PACS1: variants seen among roughly 807,000 people sequenced by gnomAD.
PACS1 encodes PACS-1.
A neutral mutation model predicts 115.0 loss-of-function variants in PACS1; 24 were observed. The observed-to-expected ratio is 0.21, with a 90% CI of 0.15 to 0.29. The LOEUF (loss-of-function observed/expected upper bound fraction) is 0.29. Ranked by LOEUF, PACS1 falls within the 10% of genes least tolerant of loss-of-function variation. PACS1 has a pLI of 1.00. For synonymous variants in PACS1, 453 were observed against 504.5 expected (o/e 0.90, Z 1.37); for missense variants, 838 against 1,251.2 (o/e 0.67, Z 4.98).
chr11:66,235,400 A>T lies in PACS1; in HGVS notation c.2204A>T (p.Lys735Met). The T allele has an allele frequency of 6.2e-7, 1 of 1,611,532 alleles. No individual in the cohort carries two copies. Among genetic ancestry groups the T allele is most frequent in the Non-Finnish European group, 8.5e-7 (1 of 1,177,684 alleles). ...VAEAMLTCRH[K>M]FPDEDSYQKF... ...GAAGCCATGCTGACTTGCCGGCATA[A>T]GTTGTAAGTTTGACTTTGAGGGGTT... Residue 735 changes from lysine to methionine, a missense_variant, in exon 18 of 24, where the codon AAG (lysine) becomes ATG (methionine). Around this residue, in one of 6 missense-constraint regions of PACS1, gnomAD observed 383 missense variants for 537.0 expected, o/e 0.71. Coordinates refer to ENST00000320580, the MANE Select transcript of PACS1 (RefSeq NM_018026.4). The surrounding 1 kb of genome is among the most constrained non-coding windows in gnomAD (Gnocchi z 5.6).
intron 1 of PACS1, among the ~76,000 whole-genome samples, chr11:66,108,368 C>G (rs1858101583): frequency 6.6e-6 from 1 of 152,066 alleles, no homozygotes; most frequent in African/African-American, 2.4e-5. Context: ...CTCATTTAAC[C>G]ATATTACATC....
chr11:66,190,116 CT>C (rs1253548279), intron 1 of PACS1, among the ~76,000 whole-genome samples: 1 of 152,184 alleles, frequency 6.6e-6, no homozygotes, highest in East Asian at 1.9e-4. Flanking sequence ...TAACATTTCT[CT>C]TTTTTATAAA....
chr11:66,079,863 T>C (rs1159417249), intron 1 of PACS1, among the ~76,000 whole-genome samples: 1 of 152,206 alleles, frequency 6.6e-6, no homozygotes, highest in East Asian at 1.9e-4. Context: ...CGTTCTCCCC[T>C]TGTTCCTGCG....
intron 1 of PACS1, among the ~76,000 whole-genome samples, chr11:66,118,000 G>C (rs1322111847): frequency 6.6e-6 from 1 of 152,192 alleles, no homozygotes; most frequent in African/African-American, 2.4e-5. Flanking sequence ...GTGTTTGTAG[G>C]ATGTTTTTTC....
At chr11:66,194,555 A>G (rs1854606789) in intron 2 of PACS1, among the ~76,000 whole-genome samples, 1 of 152,162 alleles carries the variant, frequency 6.6e-6, no homozygotes, top group South Asian at 2.1e-4. Flanking sequence ...AAGAGTGGGT[A>G]ATTTGTGTGC....
At chr11:66,197,174 A>G (rs908980799) in intron 2 of PACS1, among the ~76,000 whole-genome samples, 3 of 152,196 alleles carry the variant, frequency 2.0e-5, no homozygotes, top group African/African-American at 7.2e-5. Context: ...ATACTTTTAA[A>G]TGTATCCAAG....
chr11:66,104,014 C>G (rs1857978597), intron 1 of PACS1, among the ~76,000 whole-genome samples: 1 of 147,186 alleles, frequency 6.8e-6, no homozygotes, highest in Non-Finnish European at 1.5e-5. Context: ...CAATATGTAT[C>G]TTCAAAAGAT....
rs1320020307 is a variant in PACS1 at position 66,074,973 on chromosome 11, C to A, written c.356+4131C>A. 8.2e-5 allele frequency among the ~76,000 whole-genome samples: 9 copies of A among 110,180 alleles called. No homozygotes were observed. In the South Asian group the frequency reaches 2.7e-3, roughly 32 times the overall value. 72.3% of individuals were successfully genotyped at this position (110,180 alleles called of 152,430 possible). ...TTTTTTTTTTTTTGAGATGGAGTCT[C>A]GCTCTGTCGCCCAGGCTGGAGTGCA... is the stretch of plus-strand genomic sequence containing the variant. On this transcript the variant is annotated intron_variant, in intron 1 of 23. Transcript: ENST00000320580.
intron 1 of PACS1, among the ~76,000 whole-genome samples, chr11:66,161,784 G>T: frequency 6.6e-6 from 1 of 152,068 alleles, no homozygotes; most frequent in Non-Finnish European, 1.5e-5. Context: ...CCCTTACTCT[G>T]ATTTGCAAAA....
chr11:66,161,230 C>T (rs1859481947), intron 1 of PACS1, among the ~76,000 whole-genome samples: 1 of 152,006 alleles, frequency 6.6e-6, no homozygotes, highest in African/African-American at 2.4e-5. Flanking sequence ...AGAAGTGCTA[C>T]AGGGGATAAA....
intron 1 of PACS1, among the ~76,000 whole-genome samples, chr11:66,175,170 AG>A (rs1434275117): frequency 2.2e-5 from 3 of 135,522 alleles, no homozygotes; most frequent in Admixed American, 7.1e-5. Flanking sequence ...TGAAAAAAAA[AG>A]AAAAAAAAAT....
chr11:66,092,646 A>G (rs1186753160), intron 1 of PACS1, among the ~76,000 whole-genome samples: 4 of 152,224 alleles, frequency 2.6e-5, no homozygotes, highest in African/African-American at 9.6e-5. Flanking sequence ...TAAGGTTTTT[A>G]TGGTTTTAGG....
intron 14 of PACS1, 96 bp downstream of exon 14, chr11:66,232,372 G>C (rs574601463): frequency 6.1e-5 from 43 of 706,188 alleles, no homozygotes; most frequent in Non-Finnish European, 9.6e-5. Flanking sequence ...GCGTGGGGAG[G>C]TGGGGAACTC....
At chr11:66,179,474 G>C (rs1859951571) in intron 1 of PACS1, among the ~76,000 whole-genome samples, 1 of 152,162 alleles carries the variant, frequency 6.6e-6, no homozygotes, top group African/African-American at 2.4e-5. Flanking sequence ...ACTGTGCCAG[G>C]CCTAGAGGTT....
At chr11:66,232,123 G>A in intron 13 of PACS1, 49 bp from the exon 14 acceptor site, 1 of 1,234,706 alleles carries the variant, frequency 8.1e-7, no homozygotes, top group Non-Finnish European at 1.2e-6. Context: ...CCTGTCCTCA[G>A]GCTCCCCAGG....
At chr11:66,201,529 C>T (rs989284601) in intron 2 of PACS1, among the ~76,000 whole-genome samples, 2 of 151,598 alleles carry the variant, frequency 1.3e-5, no homozygotes, top group African/African-American at 2.4e-5. Flanking sequence ...CTTAATGATG[C>T]TTCTTAAAGA....
intron 4 of PACS1, among the ~76,000 whole-genome samples, chr11:66,213,741 G>C (rs966552902): frequency 1.3e-5 from 2 of 152,120 alleles, no homozygotes; most frequent in African/African-American, 4.8e-5. Flanking sequence ...ATGGTAAGAA[G>C]TCAGGCTGTG....
At chr11:66,086,527 A>T (rs1375984862) in intron 1 of PACS1, among the ~76,000 whole-genome samples, 1 of 152,248 alleles carries the variant, frequency 6.6e-6, no homozygotes, top group Non-Finnish European at 1.5e-5. Context: ...CCGATTTGTT[A>T]TGAACCTGAT....
At chr11:66,085,574 C>T (rs1175009051) in intron 1 of PACS1, among the ~76,000 whole-genome samples, 1 of 152,052 alleles carries the variant, frequency 6.6e-6, no homozygotes, top group Non-Finnish European at 1.5e-5. Flanking sequence ...GTATATTATT[C>T]AACTTGTGGT....
Sources: gnomAD v4.1 joint callset for allele counts (sites outside exome capture counted in the v4.1 genomes callset) on GRCh38, gnomAD v4.1.1 for gene constraint, gnomAD v4.1.1 regional missense constraint, Gnocchi (gnomAD v3.1) non-coding constraint, MANE v1.5 for transcripts, NCBI Gene and HGNC (gene_info 2026-07-23, HGNC 2026-07-21) for gene names.